The following FBN2 variants were observed in gnomAD, a reference collection of about 807,000 sequenced individuals.
FBN2 encodes the protein fibrillin 2.
A neutral mutation model predicts 355.6 loss-of-function variants in FBN2; 105 were observed. The ratio of observed to expected loss-of-function variants is 0.30; its 90% CI spans 0.25 to 0.35. The LOEUF (loss-of-function observed/expected upper bound fraction) is 0.35. Ranked by LOEUF, FBN2 falls within the 10% of genes least tolerant of loss-of-function variation. FBN2 has a pLI of 1.00. For missense variants in FBN2, 3,280 were observed against 3,758.7 expected (o/e 0.87, Z 3.33); for synonymous variants, 1,350 against 1,301.2 (o/e 1.04, Z -0.81).
At chr5:128,531,683 T>C (rs1194223018) in intron 2 of FBN2, among the ~76,000 whole-genome samples, 1 of 150,194 alleles carries the variant, frequency 6.7e-6, no homozygotes, top group Non-Finnish European at 1.5e-5. Context: ...TGTGTGTATA[T>C]ATATGTATGT....
chr5:128,335,388 T>A (rs948110001), intron 29 of FBN2, 67 bp downstream of exon 29: 1 of 1,611,452 alleles, frequency 6.2e-7, no homozygotes, highest in Non-Finnish European at 8.5e-7. Context: ...CTTGGTAATA[T>A]CTGGAGCCAT....
At chr5:128,338,531 G>A (rs1335608835) in intron 26 of FBN2, among the ~76,000 whole-genome samples, 3 of 152,056 alleles carry the variant, frequency 2.0e-5, no homozygotes, top group Non-Finnish European at 4.4e-5. Context: ...ATTAAACAGT[G>A]GGCTAAAAGG....
intron 5 of FBN2, among the ~76,000 whole-genome samples, chr5:128,513,850 T>C (rs917050410): frequency 2.0e-5 from 3 of 152,136 alleles, no homozygotes; most frequent in African/African-American, 7.2e-5. Context: ...TCTCTAATTT[T>C]CTTTCCCTCT....
At chr5:128,478,943 G>A (rs1176976522) in intron 5 of FBN2, among the ~76,000 whole-genome samples, 3 of 152,118 alleles carry the variant, frequency 2.0e-5, no homozygotes, top group African/African-American at 7.2e-5. Flanking sequence ...GACAAGTGTG[G>A]GATGCAACAC....
At chr5:128,447,975 C>A (rs1754119944) in intron 6 of FBN2, among the ~76,000 whole-genome samples, 1 of 152,338 alleles carries the variant, frequency 6.6e-6, no homozygotes. Flanking sequence ...CTGCAGAACA[C>A]TTAATGTGTT....
intron 27 of FBN2, 109 bp from the exon 28 acceptor site, chr5:128,336,222 G>A (rs1040236443): frequency 1.2e-5 from 13 of 1,048,312 alleles, no homozygotes; most frequent in African/African-American, 1.1e-4. Flanking sequence ...TGTACTTCAC[G>A]AGGAAGTAAA....
At chr5:128,465,187 T>C (rs1337156261) in intron 5 of FBN2, among the ~76,000 whole-genome samples, 3 of 152,358 alleles carry the variant, frequency 2.0e-5, no homozygotes, top group South Asian at 2.1e-4. Flanking sequence ...GCCTGAATAA[T>C]GCTTTTACAG....
intron 7 of FBN2, chr5:128,446,176 A>G (rs1754058733): frequency 3.6e-6 from 1 of 281,292 alleles, no homozygotes; most frequent in African/African-American, 2.2e-5. Context: ...TTTTTGATAT[A>G]ACTTTATAAG....
At chr5:128,374,828 T>TTA (rs1561424969) in intron 14 of FBN2, 78 bp from the exon 15 acceptor site, 89 of 1,447,786 alleles carry the variant, frequency 6.1e-5, no homozygotes, top group Non-Finnish European at 8.0e-5. Flanking sequence ...CAGCCACTGC[T>TTA]CTATACTACT....
intron 7 of FBN2, among the ~76,000 whole-genome samples, chr5:128,428,425 T>A (rs1385818291): frequency 6.6e-6 from 1 of 152,146 alleles, no homozygotes; most frequent in African/African-American, 2.4e-5. Context: ...TCCTCCTTAG[T>A]GCTCAGCTCC....
chr5:128,451,646 C>T lies in FBN2; in HGVS notation c.827-5040G>A, dbSNP rs186064105. On this transcript the variant is annotated intron_variant, in intron 6 of 64. Coordinates refer to ENST00000262464, the MANE Select transcript of FBN2 (RefSeq NM_001999.4). ...AACTCCTGACCTCAGGTGATCCACC[C>T]GCCTTGGCCTCCCAAAGTGCTGAGA... is the stretch of plus-strand genomic sequence containing the variant. Among the ~76,000 whole-genome samples the T allele has an allele frequency of 6.8e-3, 1,032 of 152,210 alleles. 8 individuals are homozygous for T. The highest frequency in any genetic ancestry group is 8.9e-3 in the Non-Finnish European group (608 of 68,004).
At chr5:128,492,431 T>A (rs1755533305) in intron 5 of FBN2, among the ~76,000 whole-genome samples, 1 of 152,304 alleles carries the variant, frequency 6.6e-6, no homozygotes, top group Non-Finnish European at 1.5e-5. Flanking sequence ...GGCAGCTACA[T>A]AACTATCATG....
At chr5:128,304,318 T>A (rs1002503474) in intron 45 of FBN2, among the ~76,000 whole-genome samples, 57 of 152,228 alleles carry the variant, frequency 3.7e-4, no homozygotes, top group African/African-American at 1.3e-3. Context: ...CTTCATGGCA[T>A]CCAGCCCATC....
intron 3 of FBN2, among the ~76,000 whole-genome samples, chr5:128,529,986 C>A (rs559870247): frequency 6.6e-6 from 1 of 152,074 alleles, no homozygotes; most frequent in Non-Finnish European, 1.5e-5. Flanking sequence ...AATGACTTCA[C>A]ACTAGTTTGA....
In FBN2 at chr5:128,291,508, T is replaced by C. The variant is rs1448291915; in HGVS notation, c.6292+21A>G. 10 of 1,613,472 alleles carry C rather than the reference T, an allele frequency of 6.2e-6. No homozygotes were observed. In the South Asian group the frequency reaches 8.8e-5, roughly 14 times the overall value. ...AGTTTCTAAGCGTGAACTGTGACAG[T>C]GAAGTCATGCCAAATCTTACCAAAG... On this transcript the variant is annotated intron_variant, in intron 49 of 64. Transcript: ENST00000262464.
At chr5:128,527,308 G>T (rs892559414) in intron 4 of FBN2, among the ~76,000 whole-genome samples, 1 of 152,106 alleles carries the variant, frequency 6.6e-6, no homozygotes, top group African/African-American at 2.4e-5. Context: ...CTCCAGTGAA[G>T]GTACCAGTTT....
chr5:128,495,997 AT>A (rs2127132696), intron 5 of FBN2, among the ~76,000 whole-genome samples: 1 of 152,222 alleles, frequency 6.6e-6, no homozygotes, highest in African/African-American at 2.4e-5. Context: ...ATGAGTAATT[AT>A]TTTCTAATTA....
chr5:128,420,135 T>A (rs1024093543), intron 7 of FBN2, among the ~76,000 whole-genome samples: 4 of 152,224 alleles, frequency 2.6e-5, no homozygotes, highest in Non-Finnish European at 5.9e-5. Flanking sequence ...TTTCATGAGT[T>A]AAATTCTTAT....
chr5:128,406,463 AC>A (rs1216028273), intron 8 of FBN2, among the ~76,000 whole-genome samples: 3 of 152,178 alleles, frequency 2.0e-5, no homozygotes, highest in Admixed American at 2.0e-4. Context: ...GAGAACTTCC[AC>A]CTGTTCACTT....
Sources: allele counts gnomAD v4.1 joint callset (sites outside exome capture counted in the v4.1 genomes callset), GRCh38; gene constraint gnomAD v4.1.1; transcripts MANE v1.5; gene names NCBI Gene and HGNC (gene_info 2026-07-23, HGNC 2026-07-21).